The following CCNY variants were observed in gnomAD, a reference collection of about 807,000 sequenced individuals.
CCNY encodes cyclin Y, also known as cyclin-Y.
A neutral mutation model predicts 42.8 loss-of-function variants in CCNY; 19 were observed. That is an observed-to-expected ratio of 0.44 (90% confidence interval 0.31 to 0.65). The LOEUF (loss-of-function observed/expected upper bound fraction) is 0.65. Ranked by LOEUF, CCNY falls within the 30% of genes least tolerant of loss-of-function variation. CCNY has a pLI of 0.07. For missense variants in CCNY, 370 were observed against 437.3 expected (o/e 0.85, Z 1.37); for synonymous variants, 165 against 162.7 (o/e 1.01, Z -0.11).
chr10:35,278,485 AGTC>A (rs956049709), intron 3 of CCNY, among the ~76,000 whole-genome samples: 3 of 152,056 alleles, frequency 2.0e-5, no homozygotes, highest in Non-Finnish European at 2.9e-5. Flanking sequence ...CCCATCTTAG[AGTC>A]TGCTTCCCAG....
intron 1 of CCNY, among the ~76,000 whole-genome samples, chr10:35,421,676 C>T (rs1933265352): frequency 6.6e-6 from 1 of 152,104 alleles, no homozygotes; most frequent in Admixed American, 6.6e-5. Context: ...GTGATGGACT[C>T]CCATTTTCTT....
chr10:35,439,856 A>T (rs1838627123), intron 1 of CCNY, among the ~76,000 whole-genome samples: 1 of 152,118 alleles, frequency 6.6e-6, no homozygotes, highest in Non-Finnish European at 1.5e-5. Context: ...GGTTTTACTT[A>T]GCCGCTGTTG....
intron 3 of CCNY, among the ~76,000 whole-genome samples, chr10:35,261,894 G>C (rs924586540): frequency 6.6e-6 from 1 of 152,040 alleles, no homozygotes; most frequent in Non-Finnish European, 1.5e-5. Flanking sequence ...GGTGGTGCGT[G>C]CCTGTAATCC....
chr10:35,540,651 G>T (rs1431064054), intron 7 of CCNY, among the ~76,000 whole-genome samples: 1 of 151,916 alleles, frequency 6.6e-6, no homozygotes, highest in South Asian at 2.1e-4. Flanking sequence ...GTTGGTCAGG[G>T]TTTTTCTCTG....
chr10:35,438,237 C>A (rs1054386225), intron 1 of CCNY, among the ~76,000 whole-genome samples: 20 of 151,776 alleles, frequency 1.3e-4, no homozygotes, highest in African/African-American at 4.6e-4. Context: ...CAGCCTCAGC[C>A]TCCCAGGCTA....
rs370101633 is a variant in CCNY at position 35,450,794 on chromosome 10, A to AT, written c.155-32604dup. Among the ~76,000 whole-genome samples the AT allele has an allele frequency of 3.3e-4, 50 of 151,326 alleles. 1 individual carries two copies. Among genetic ancestry groups the AT allele is most frequent in the African/African-American group, 1.2e-3 (50 of 41,170 alleles). On this transcript the variant is annotated intron_variant, in intron 1 of 9. Transcript: ENST00000374704. Reference sequence around the variant, plus strand: ...TTCGGTGGGAGATATTTTTGACATAATTTTTTCACTTTCTCTCTGTCCTCT... The same window carrying AT: ...TTCGGTGGGAGATATTTTTGACATAATTTTTTTCACTTTCTCTCTGTCCTCT...
At chr10:35,423,008 A>C (rs1838190988) in intron 1 of CCNY, among the ~76,000 whole-genome samples, 1 of 152,218 alleles carries the variant, frequency 6.6e-6, no homozygotes, top group African/African-American at 2.4e-5. Context: ...AGTTAATAGC[A>C]CTGAAAAATC....
At chr10:35,267,759 G>T (rs2095727097) in intron 3 of CCNY, among the ~76,000 whole-genome samples, 1 of 152,266 alleles carries the variant, frequency 6.6e-6, no homozygotes, top group East Asian at 1.9e-4. Flanking sequence ...TTCCTTACAT[G>T]TTCCTGCTTG....
chr10:35,271,002 G>A (rs937718104), intron 3 of CCNY, among the ~76,000 whole-genome samples: 2 of 152,102 alleles, frequency 1.3e-5, no homozygotes, highest in Admixed American at 6.6e-5. Flanking sequence ...TGAGATTACA[G>A]GTGTGAGCCA....
At chr10:35,487,341 A>G (rs186389525) in intron 2 of CCNY, among the ~76,000 whole-genome samples, 153 of 152,108 alleles carry the variant, frequency 1.0e-3, no homozygotes, top group Admixed American at 3.9e-4. Flanking sequence ...TGATTTGTGG[A>G]TAGGAAGCCA....
intron 7 of CCNY, among the ~76,000 whole-genome samples, chr10:35,540,103 T>TA (rs1472517687): frequency 3.3e-5 from 5 of 152,326 alleles, no homozygotes; most frequent in African/African-American, 1.2e-4. Context: ...TCTAGTAAAG[T>TA]GTTGAATAGA....
At chr10:35,343,827 A>G (rs1406893878) in intron 1 of CCNY, among the ~76,000 whole-genome samples, 2 of 152,244 alleles carry the variant, frequency 1.3e-5, no homozygotes, top group African/African-American at 2.4e-5. Context: ...TTTTAATCAC[A>G]TAGGGTCAGA....
intron 1 of CCNY, among the ~76,000 whole-genome samples, chr10:35,366,083 T>A (rs1836802084): frequency 6.6e-6 from 1 of 152,254 alleles, no homozygotes; most frequent in African/African-American, 2.4e-5. Context: ...TCTTTTTCTT[T>A]TTCTGTGTTA....
At chr10:35,413,749 G>A (rs1039807817) in intron 1 of CCNY, among the ~76,000 whole-genome samples, 2 of 152,192 alleles carry the variant, frequency 1.3e-5, no homozygotes, top group African/African-American at 4.8e-5. Flanking sequence ...CAAGCTCAGG[G>A]CCCAGCACCA....
chr10:35,302,913 AGGCTGGGCACGGT>A (rs1338964193), intron 3 of CCNY, among the ~76,000 whole-genome samples: 3 of 152,160 alleles, frequency 2.0e-5, no homozygotes, highest in African/African-American at 7.2e-5. Context: ...AAAGGTAAGG[AGGCTGGGCACGGT>A]GGCTCATGCC....
At chr10:35,510,163 C>G (rs948270944) in intron 3 of CCNY, among the ~76,000 whole-genome samples, 8 of 152,182 alleles carry the variant, frequency 5.3e-5, no homozygotes, top group Admixed American at 2.0e-4. Context: ...TATATCACTT[C>G]TTTTCACAAA....
intron 8 of CCNY, among the ~76,000 whole-genome samples, chr10:35,559,090 G>A (rs1032701254): frequency 6.6e-6 from 1 of 152,188 alleles, no homozygotes; most frequent in South Asian, 2.1e-4. Context: ...TCAGAAAAGA[G>A]GACAGCTGTA....
chr10:35,486,563 G>A (rs560047436), intron 2 of CCNY, among the ~76,000 whole-genome samples: 89 of 152,272 alleles, frequency 5.8e-4, no homozygotes, highest in African/African-American at 2.0e-3. Flanking sequence ...CTGTGCTGCC[G>A]CTAGCTGACA....
At chr10:35,248,369 C>T (rs539371058) in intron 2 of CCNY, among the ~76,000 whole-genome samples, 12 of 152,198 alleles carry the variant, frequency 7.9e-5, no homozygotes, top group South Asian at 2.1e-4. Context: ...AGGGGCCGGG[C>T]GCGGTGGCTC....
Sources: gnomAD v4.1 joint callset for allele counts (sites outside exome capture counted in the v4.1 genomes callset) on GRCh38, gnomAD v4.1.1 for gene constraint, MANE v1.5 for transcripts, NCBI Gene and HGNC (gene_info 2026-07-23, HGNC 2026-07-21) for gene names.